SRGAP3: variants seen among roughly 807,000 people sequenced by gnomAD.
SRGAP3 encodes the protein SLIT-ROBO Rho GTPase-activating protein 3.
SRGAP3 carries 39 observed loss-of-function variants against 121.1 expected under a neutral mutation model. The observed-to-expected ratio is 0.32, with a 90% CI of 0.25 to 0.42. SRGAP3 has a LOEUF of 0.42. Among genes scored for constraint, SRGAP3 ranks in the 10% least tolerant of loss-of-function variants. The pLI, the probability that SRGAP3 is intolerant of heterozygous loss-of-function variation, is 1.00. For synonymous variants in SRGAP3, 601 were observed against 570.0 expected, an observed-to-expected ratio of 1.05 and a Z score of -0.77; for missense variants, 1,213 against 1,470.6, an observed-to-expected ratio of 0.82 and a Z score of 2.86.
chr3:9,121,334 T>C (rs1948996714), intron 2 of SRGAP3, among the ~76,000 whole-genome samples: 1 of 152,126 alleles, frequency 6.6e-6, no homozygotes, highest in Non-Finnish European at 1.5e-5. Flanking sequence ...TTTACGACGG[T>C]GAGACAAGGC....
intron 3 of SRGAP3, among the ~76,000 whole-genome samples, chr3:9,316,958 G>C (rs1257848100): frequency 6.6e-6 from 1 of 152,118 alleles, no homozygotes; most frequent in Non-Finnish European, 1.5e-5. Context: ...TTCAAGGAAA[G>C]GGGCCAGAGA....
At chr3:9,309,079 A>G (rs1955201708) in intron 3 of SRGAP3, among the ~76,000 whole-genome samples, 1 of 151,958 alleles carries the variant, frequency 6.6e-6, no homozygotes, top group South Asian at 2.1e-4. Context: ...TTCCACATTC[A>G]GGCTTGTCCC....
chr3:9,176,862 C>A (rs1560348235), intron 1 of SRGAP3, among the ~76,000 whole-genome samples: 1 of 152,236 alleles, frequency 6.6e-6, no homozygotes, highest in Non-Finnish European at 1.5e-5. Flanking sequence ...CCAGGCCCTA[C>A]CCCAACAGTG....
At chr3:9,208,294 G>T (rs1255717493) in intron 1 of SRGAP3, among the ~76,000 whole-genome samples, 2 of 151,792 alleles carry the variant, frequency 1.3e-5, no homozygotes, top group Non-Finnish European at 2.9e-5. Flanking sequence ...TCAAAACATC[G>T]CAGGCAGAGC....
intron 3 of SRGAP3, among the ~76,000 whole-genome samples, chr3:9,261,699 G>C (rs1395600396): frequency 6.6e-6 from 1 of 151,902 alleles, no homozygotes; most frequent in Non-Finnish European, 1.5e-5. Flanking sequence ...ATGAGACTAT[G>C]TGAAAAGACC....
chr3:9,127,184 T>C, intron 1 of SRGAP3, among the ~76,000 whole-genome samples: 1 of 151,790 alleles, frequency 6.6e-6, no homozygotes, highest in African/African-American at 2.4e-5. Flanking sequence ...AAAAAAGTTT[T>C]AAATTAGCCA....
intron 1 of SRGAP3, among the ~76,000 whole-genome samples, chr3:9,349,461 G>C (rs943335932): frequency 6.6e-6 from 1 of 152,206 alleles, no homozygotes; most frequent in Non-Finnish European, 1.5e-5. Context: ...GAGTTTAAAG[G>C]TAGTGACCTG....
At chr3:8,998,753 G>A (rs1383283131) in intron 18 of SRGAP3, among the ~76,000 whole-genome samples, 1 of 152,060 alleles carries the variant, frequency 6.6e-6, no homozygotes, top group East Asian at 1.9e-4. Context: ...CATATTTATT[G>A]CTTGCATGAA....
intron 21 of SRGAP3, among the ~76,000 whole-genome samples, chr3:8,988,353 C>A (rs1941845780): frequency 6.6e-6 from 1 of 152,320 alleles, no homozygotes; most frequent in East Asian, 1.9e-4. Context: ...GCTGCCACTC[C>A]CCTTTGCAGC....
At chr3:9,039,125 C>T (rs1050405492) in intron 10 of SRGAP3, among the ~76,000 whole-genome samples, 8 of 152,180 alleles carry the variant, frequency 5.3e-5, no homozygotes, top group Non-Finnish European at 1.0e-4. Context: ...GAGGCTGAAT[C>T]CAATGGTCTT....
intron 3 of SRGAP3, among the ~76,000 whole-genome samples, chr3:9,272,346 A>G (rs897699722): frequency 2.0e-5 from 3 of 152,230 alleles, no homozygotes; most frequent in Non-Finnish European, 2.9e-5. Context: ...CAGCACCACC[A>G]TCCATCTCAG....
chr3:9,286,496 A>T (rs547132693), intron 3 of SRGAP3, among the ~76,000 whole-genome samples: 1 of 151,324 alleles, frequency 6.6e-6, no homozygotes, highest in Admixed American at 6.6e-5. Context: ...CCCCATCTCT[A>T]TTTTTTTTTA....
intron 1 of SRGAP3, among the ~76,000 whole-genome samples, chr3:9,226,462 G>T (rs191624964): frequency 4.9e-4 from 75 of 152,264 alleles, no homozygotes; most frequent in Non-Finnish European, 9.0e-4. Flanking sequence ...GGAGATCAAG[G>T]CTTAGGAGAC....
intron 18 of SRGAP3, among the ~76,000 whole-genome samples, chr3:9,000,224 G>T (rs1458465704): frequency 3.9e-5 from 6 of 152,206 alleles, no homozygotes; most frequent in African/African-American, 1.4e-4. Context: ...GGAGAGACCA[G>T]GGCTTCATTC....
intron 1 of SRGAP3, chr3:9,235,637 G>A (rs555072400): frequency 2.6e-5 from 4 of 151,596 alleles, no homozygotes; most frequent in African/African-American, 9.7e-5. Context: ...CCGATTAGCT[G>A]GGACTACAGG....
At chr3:9,089,813 T>C (rs942755308) in intron 3 of SRGAP3, among the ~76,000 whole-genome samples, 1 of 152,188 alleles carries the variant, frequency 6.6e-6, no homozygotes. Context: ...GCTCCTTGCC[T>C]TCAGTGATCA....
Position 8,983,211 on chromosome 3 carries a change from G to C in SRGAP3, c.*2308C>G, listed in dbSNP as rs1251351198. The C allele has an allele frequency of 4.4e-6, 1 of 226,460 alleles. No homozygotes were observed. Among genetic ancestry groups the C allele is most frequent in the Non-Finnish European group, 8.8e-6 (1 of 113,974 alleles). The allele number at this position is 226,460 out of a possible 1,614,324, so 14.0% of individuals were successfully genotyped here. A position where few individuals can be genotyped will look rare whatever the true frequency, so the allele number is the denominator to read the frequency against. On this transcript the variant is annotated 3_prime_UTR_variant, in exon 22 of 22. Transcript: ENST00000383836. The stretch of plus-strand genomic sequence containing the variant: ...GCTCCTAGCCAGTGTCAAATCTTGG[G>C]CAGGTCACAGCACAGCCCAAGGCCT...
intron 1 of SRGAP3, among the ~76,000 whole-genome samples, chr3:9,129,311 G>C (rs1266185866): frequency 1.3e-5 from 2 of 151,534 alleles, no homozygotes; most frequent in Non-Finnish European, 2.9e-5. Flanking sequence ...TTAAAACATG[G>C]CCAAAATTAT....
rs540263461 is a variant in SRGAP3, at chr3:9,118,969, C to A, written c.260+5756G>T. On this transcript the variant is annotated intron_variant, in intron 2 of 21. Transcript: ENST00000383836. ...CCTATGCAAATCTAATTATCACTTG[C>A]CTTTCATTCATTAGTTCATTAATCA... 3.9e-5 allele frequency among the ~76,000 whole-genome samples: 6 copies of A among 152,326 alleles called. No homozygotes were observed. The East Asian group carries it at 1.2e-3, about 29-fold the overall frequency.
Sources: allele counts gnomAD v4.1 joint callset (sites outside exome capture counted in the v4.1 genomes callset), GRCh38; gene constraint gnomAD v4.1.1; transcripts MANE v1.5; gene names NCBI Gene and HGNC (gene_info 2026-07-23, HGNC 2026-07-21).